Variants in POLI observed in about 807,000 individuals in gnomAD.
The protein encoded by POLI is RAD30 homolog B.
Under a neutral mutation model 51.6 loss-of-function variants are expected in POLI, and 58 were observed. The observed-to-expected ratio is 1.12, with a 90% CI of 0.91 to 1.40. POLI has a LOEUF of 1.40. POLI is among the 40% of genes most tolerant of loss of function. POLI has a pLI of 0.00. For missense variants in POLI, 921 were observed against 871.3 expected (o/e 1.06, Z -0.72); for synonymous variants, 322 against 299.7 (o/e 1.07, Z -0.77).
Position 54,297,497 on chromosome 18 carries a change from A to G in POLI, c.*3030A>G. 5 of 982,174 alleles carry G rather than the reference A, an allele frequency of 5.1e-6. No homozygotes were observed. Among genetic ancestry groups the G allele is most frequent in the Non-Finnish European group, 6.0e-6 (5 of 827,070 alleles). The allele number at this position is 982,174 out of a possible 1,614,324, so 60.8% of individuals were successfully genotyped here. A position where few individuals can be genotyped will look rare whatever the true frequency, so the allele number is the denominator to read the frequency against. ...GTTTTGTACTAGGAGAACTCTAAAA[A>G]GTATCTATTCCACTGTAGTGCCAAA... On this transcript the variant is annotated 3_prime_UTR_variant, in exon 10 of 10. Coordinates refer to ENST00000579534, the MANE Select transcript of POLI (RefSeq NM_007195.3).
intron 2 of POLI, chr18:54,272,320 G>C (rs2087039349): frequency 6.6e-6 from 1 of 152,158 alleles, no homozygotes; most frequent in African/African-American, 2.4e-5. Flanking sequence ...TCTCCTGAAG[G>C]CATTTCTGAG....
At chr18:54,292,285 T>C (rs1474377862) in intron 9 of POLI, among the ~76,000 whole-genome samples, 1 of 152,156 alleles carries the variant, frequency 6.6e-6, no homozygotes, top group Admixed American at 6.6e-5. Context: ...TTCTCTATTT[T>C]GGAATTGTTA....
At chr18:54,300,251 T>C (rs74897120), downstream of POLI, among the ~76,000 whole-genome samples, 51 of 152,226 alleles carry the variant, frequency 3.4e-4, 1 homozygote, top group African/African-American at 1.2e-3. Context: ...ATTAAAAATA[T>C]ATTGTAGGAT....
At chr18:54,289,755 T>C (rs1244989887) in intron 8 of POLI, among the ~76,000 whole-genome samples, 1 of 152,076 alleles carries the variant, frequency 6.6e-6, no homozygotes, top group African/African-American at 2.4e-5. Context: ...TAAATGGTGC[T>C]AGGAAAACTG....
intron 3 of POLI, among the ~76,000 whole-genome samples, chr18:54,312,797 G>T (rs1487624741): frequency 6.6e-6 from 1 of 151,890 alleles, no homozygotes; most frequent in Admixed American, 6.6e-5. Flanking sequence ...CTTTTTAATG[G>T]GGTTATTTGT....
At chr18:54,318,566 G>T (rs2088761183) in intron 3 of POLI, among the ~76,000 whole-genome samples, 1 of 151,708 alleles carries the variant, frequency 6.6e-6, no homozygotes, top group Non-Finnish European at 1.5e-5. Flanking sequence ...TGTATTATTA[G>T]TATTTTCAAT....
intron 3 of POLI, among the ~76,000 whole-genome samples, chr18:54,306,382 G>A (rs999371158): frequency 1.3e-5 from 2 of 152,188 alleles, no homozygotes; most frequent in East Asian, 3.8e-4. Context: ...TATGTTTATT[G>A]ATTTACGTAT....
downstream of POLI, among the ~76,000 whole-genome samples, chr18:54,302,818 A>T (rs2088515845): frequency 6.6e-6 from 1 of 152,056 alleles, no homozygotes. Context: ...CTCTATCTTC[A>T]CAAGTTCAAT....
intron 3 of POLI, among the ~76,000 whole-genome samples, chr18:54,307,334 G>A (rs538662180): frequency 1.3e-5 from 2 of 152,072 alleles, no homozygotes; most frequent in Non-Finnish European, 2.9e-5. Context: ...ACTTCATTTC[G>A]CTATGTACCT....
intron 3 of POLI, among the ~76,000 whole-genome samples, chr18:54,306,813 G>A (rs2088594078): frequency 6.6e-6 from 1 of 152,310 alleles, no homozygotes; most frequent in South Asian, 2.1e-4. Flanking sequence ...GAGGATGTAT[G>A]TGTCCAGGAA....
intron 3 of POLI, among the ~76,000 whole-genome samples, chr18:54,274,376 AACTGT>A (rs1289583051): frequency 1.3e-5 from 2 of 152,072 alleles, no homozygotes; most frequent in Admixed American, 6.5e-5. Context: ...GAAAATGGGA[AACTGT>A]ACTGTAAAAG....
intron 3 of POLI, among the ~76,000 whole-genome samples, chr18:54,313,087 C>T (rs971775708): frequency 6.6e-6 from 1 of 152,134 alleles, no homozygotes; most frequent in East Asian, 1.9e-4. Context: ...AGTTTGATGG[C>T]TTACATTTAA....
At chr18:54,279,750 A>C (rs2087414877) in intron 4 of POLI, among the ~76,000 whole-genome samples, 1 of 152,170 alleles carries the variant, frequency 6.6e-6, no homozygotes, top group South Asian at 2.1e-4. Context: ...TTTACACCTA[A>C]AGCAAATTTA....
downstream of POLI, among the ~76,000 whole-genome samples, chr18:54,299,784 C>T (rs181463147): frequency 1.3e-5 from 2 of 152,098 alleles, no homozygotes; most frequent in East Asian, 3.9e-4. Context: ...TTGGCAAATC[C>T]CAGGTACAAT....
Position 54,293,845 on chromosome 18 carries a change from A to G in POLI, c.1601A>G (p.Gln534Arg). 1 of 1,610,742 alleles carries G rather than the reference A, an allele frequency of 6.2e-7. No individual in the cohort carries two copies. Among genetic ancestry groups the G allele is most frequent in the Non-Finnish European group, 8.5e-7 (1 of 1,177,868 alleles). Residue 534 changes from glutamine (Q) to arginine (R), a missense_variant, in exon 10 of 10, where the codon CAG becomes CGG. Coordinates refer to ENST00000579534, the MANE Select transcript of POLI (RefSeq NM_007195.3). ...GGTGTTGACCAAGAAGTCTTCAAGC[A>G]GCTTCCAGTAGATATTCAAGAAGAA... ...PEGVDQEVFK[Q>R]LPVDIQEEIL... is the part of the protein sequence containing the mutation.
intron 4 of POLI, among the ~76,000 whole-genome samples, chr18:54,278,419 A>G (rs1377678742): frequency 6.6e-6 from 1 of 152,210 alleles, no homozygotes; most frequent in Non-Finnish European, 1.5e-5. Context: ...GTTTTCAGGT[A>G]GGCTAGATTT....
intron 5 of POLI, among the ~76,000 whole-genome samples, chr18:54,281,643 C>T (rs1417163615): frequency 6.6e-6 from 1 of 151,850 alleles, no homozygotes; most frequent in Non-Finnish European, 1.5e-5. Flanking sequence ...TTTTGGATGA[C>T]TTTGGTAGTG....
At position 54,297,291 on chromosome 18, in the gene POLI, GT is replaced by G. The variant is rs879629665; in HGVS notation, c.*2836del. Reference sequence around the variant, plus strand: ...TTTGTTTCAGCTCGAGTTTGTTGTTGTTTTTTTTTTTTCCTGTTTCTGTCTT... The same window carrying G: ...TTTGTTTCAGCTCGAGTTTGTTGTTGTTTTTTTTTTTCCTGTTTCTGTCTT... On this transcript the variant is annotated 3_prime_UTR_variant, in exon 10 of 10. Transcript: ENST00000579534. The G allele has an allele frequency of 6.4e-3, 4,920 of 770,966 alleles. 1 individual carries two copies. The highest frequency in any genetic ancestry group is 7.3e-3 in the Middle Eastern group (11 of 1,508). The allele number at this position is 770,966 out of a possible 1,614,324, so 47.8% of individuals were successfully genotyped here.
At chr18:54,270,113 G>C in intron 1 of POLI, 1 of 815,022 alleles carries the variant, frequency 1.2e-6, no homozygotes, top group South Asian at 5.5e-5. Context: ...TCACGTCTCC[G>C]GTGACCCACT....
Sources: allele counts gnomAD v4.1 joint callset (sites outside exome capture counted in the v4.1 genomes callset), GRCh38; gene constraint gnomAD v4.1.1; transcripts MANE v1.5; gene names NCBI Gene and HGNC (gene_info 2026-07-23, HGNC 2026-07-21).